The following OGDH variants were observed in gnomAD, a reference collection of about 807,000 sequenced individuals.
OGDH encodes the protein oxoglutarate dehydrogenase, also known as 2-oxoglutarate dehydrogenase complex component E1.
A neutral mutation model predicts 116.6 loss-of-function variants in OGDH; 38 were observed. That is an observed-to-expected ratio of 0.33 (90% CI 0.25 to 0.43). The LOEUF (loss-of-function observed/expected upper bound fraction) is 0.43. Among genes scored for constraint, OGDH ranks in the 20% least tolerant of loss-of-function variants. The pLI is 1.00. For missense variants in OGDH, 825 were observed against 1,357.2 expected (o/e 0.61, Z 6.16); for synonymous variants, 488 against 533.3 (o/e 0.92, Z 1.17).
At position 44,707,556 on chromosome 7, in the gene OGDH, T is replaced by C. The variant is rs751978141; in HGVS notation, c.2797-26T>C. The C allele has an allele frequency of 7.4e-6, 12 of 1,612,056 alleles. No homozygotes were observed. In the Admixed American group the frequency reaches 1.7e-4, roughly 22 times the overall value. ...TGCCTGCCCTCTGAGTTTCCTCTTT[T>C]TGATCTGACCCCTGCTGTCTCCTAG... On this transcript the variant is annotated intron_variant, in intron 21 of 22. Coordinates refer to ENST00000222673, the MANE Select transcript of OGDH (RefSeq NM_002541.4). The surrounding 1 kb of genome is among the most constrained non-coding windows in gnomAD (Gnocchi z 5.2).
chr7:44,684,149 G>A (rs1404053176), intron 10 of OGDH, among the ~76,000 whole-genome samples: 1 of 152,172 alleles, frequency 6.6e-6, no homozygotes, highest in Non-Finnish European at 1.5e-5. Context: ...AGTGTCTGAA[G>A]GAGTGGACAA....
chr7:44,658,434 G>A (rs571607255), intron 4 of OGDH, among the ~76,000 whole-genome samples: 1 of 147,380 alleles, frequency 6.8e-6, no homozygotes, highest in Non-Finnish European at 1.5e-5. Context: ...CTGAGATCCC[G>A]ATGAACTCAT....
At chr7:44,628,738 C>G (rs1162112638) in intron 2 of OGDH, among the ~76,000 whole-genome samples, 1 of 152,068 alleles carries the variant, frequency 6.6e-6, no homozygotes, top group Admixed American at 6.5e-5. Context: ...ATGTGAGCCA[C>G]CACACCCAGC....
Position 44,629,575 on chromosome 7 carries a change from CT to C in OGDH, c.222+5014del, listed in dbSNP as rs1037295168. The stretch of plus-strand genomic sequence containing the variant: ...TTTCTTTTCTTTCCTTTTTCTTTTT[CT>C]TTTCTTTTTTTTTTTTTTTTTTGAG... On this transcript the variant is annotated intron_variant, in intron 2 of 22. Coordinates refer to ENST00000222673, the MANE Select transcript of OGDH (RefSeq NM_002541.4). 4.5e-5 allele frequency among the ~76,000 whole-genome samples: 6 copies of C among 134,428 alleles called. No individual in the cohort carries two copies. In the South Asian group the frequency reaches 9.6e-4, roughly 21 times the overall value. The allele number at this position is 134,428 out of a possible 152,430, so 88.2% of individuals were successfully genotyped here. A position where few individuals can be genotyped will look rare whatever the true frequency, so the allele number is the denominator to read the frequency against.
chr7:44,675,931 T>G, intron 8 of OGDH, 39 bp from the exon 9 acceptor site: 3 of 1,600,920 alleles, frequency 1.9e-6, no homozygotes, highest in Non-Finnish European at 2.6e-6. Flanking sequence ...ACTGAGCATC[T>G]CCTTGGCCAG....
intron 9 of OGDH, among the ~76,000 whole-genome samples, chr7:44,680,713 A>G (rs913765362): frequency 6.6e-6 from 1 of 152,184 alleles, no homozygotes; most frequent in Non-Finnish European, 1.5e-5. Flanking sequence ...CTACTGGAGG[A>G]AGCTGGCTTC....
intron 4 of OGDH, among the ~76,000 whole-genome samples, chr7:44,649,067 T>C (rs1786319298): frequency 6.6e-6 from 1 of 151,850 alleles, no homozygotes; most frequent in Non-Finnish European, 1.5e-5. Context: ...CCCCAGAGAC[T>C]TCTAGACCTG....
chr7:44,621,991 G>A (rs1785028408), intron 1 of OGDH, among the ~76,000 whole-genome samples: 1 of 152,162 alleles, frequency 6.6e-6, no homozygotes, highest in Non-Finnish European at 1.5e-5. Context: ...CATGTGGAAG[G>A]GGCCACTTTG....
chr7:44,656,473 C>T (rs1382356283), intron 4 of OGDH: 8 of 951,896 alleles, frequency 8.4e-6, no homozygotes, highest in South Asian at 4.4e-5. Flanking sequence ...ACTTCTGTCA[C>T]GTGTTTTTAA....
intron 4 of OGDH, among the ~76,000 whole-genome samples, chr7:44,660,625 G>A (rs1032354997): frequency 3.3e-5 from 5 of 152,144 alleles, no homozygotes; most frequent in African/African-American, 1.2e-4. Flanking sequence ...GTTGGGTGGA[G>A]TATTCTCTAA....
rs569908569 is a variant in OGDH, at chr7:44,632,009, A to T, written c.222+7444A>T. 7.9e-5 allele frequency among the ~76,000 whole-genome samples: 12 copies of T among 152,336 alleles called. 1 individual carries two copies. The South Asian group carries it at 2.5e-3, about 32-fold the overall frequency. On this transcript the variant is annotated intron_variant, in intron 2 of 22. Transcript: ENST00000222673. ...GGTCACTCAGCAGGATGATGGATGC[A>T]GGCTTCAGGGCCAGGAGCCAGACGC...
chr7:44,613,068 G>C (rs751689023), intron 1 of OGDH, among the ~76,000 whole-genome samples: 2 of 151,858 alleles, frequency 1.3e-5, no homozygotes, highest in Non-Finnish European at 2.9e-5. Flanking sequence ...AGTAGAGACA[G>C]GGTTTCACCA....
intron 10 of OGDH, among the ~76,000 whole-genome samples, chr7:44,682,770 T>C (rs1466294799): frequency 2.0e-5 from 3 of 152,120 alleles, no homozygotes; most frequent in Middle Eastern, 3.4e-3. Flanking sequence ...GGAGGATCAC[T>C]TGAACCTGGG....
chr7:44,667,415 A>G (rs1787233094), intron 5 of OGDH, among the ~76,000 whole-genome samples: 1 of 152,242 alleles, frequency 6.6e-6, no homozygotes, highest in East Asian at 1.9e-4. Flanking sequence ...CCTGAGGGAC[A>G]GGCCTCAAGT....
chr7:44,664,681 T>C (rs1009385655), intron 4 of OGDH, among the ~76,000 whole-genome samples: 1 of 152,202 alleles, frequency 6.6e-6, no homozygotes, highest in South Asian at 2.1e-4. Flanking sequence ...AGTTGTCTTA[T>C]GATTGTTTTG....
chr7:44,681,743 G>T lies in OGDH; in HGVS notation c.1230G>T (p.Gly410=), dbSNP rs1455638763. 5 of 1,614,018 alleles carry T rather than the reference G, an allele frequency of 3.1e-6. No individual in the cohort carries two copies. In the African/African-American group the frequency reaches 6.7e-5, roughly 22 times the overall value. Residue 410 remains glycine, a synonymous_variant, in exon 10 of 23, where the codon GGG becomes GGT. Transcript: ENST00000222673. ...GKKVMSILLH[G]DAAFAGQGIV... ...AGGTCATGTCCATCCTGTTGCATGGGGATGCTGCATTTGCTGGCCAGGGCA... is the reference window on the plus strand; with the variant it reads ...AGGTCATGTCCATCCTGTTGCATGGTGATGCTGCATTTGCTGGCCAGGGCA...
intron 1 of OGDH, among the ~76,000 whole-genome samples, chr7:44,610,967 C>A (rs1314548700): frequency 6.6e-6 from 1 of 151,862 alleles, no homozygotes; most frequent in Non-Finnish European, 1.5e-5. Context: ...TTGATGAGGT[C>A]TGGTTTACCA....
intron 3 of OGDH, among the ~76,000 whole-genome samples, 180 bp downstream of exon 3, chr7:44,645,698 G>A (rs1786143362): frequency 6.6e-6 from 1 of 152,148 alleles, no homozygotes; most frequent in Non-Finnish European, 1.5e-5. Flanking sequence ...AAAGAACCAG[G>A]CTAGCCCTAT....
Position 44,707,145 on chromosome 7 carries a change from C to T in OGDH, c.2633-80C>T. 6.7e-7 allele frequency: 1 copy of T among 1,490,582 alleles called. No homozygotes were observed. The allele number at this position is 1,490,582 out of a possible 1,614,324, so 92.3% of individuals were successfully genotyped here. A position where few individuals can be genotyped will look rare whatever the true frequency, so the allele number is the denominator to read the frequency against. On this transcript the variant is annotated intron_variant, in intron 20 of 22. Coordinates refer to ENST00000222673, the MANE Select transcript of OGDH (RefSeq NM_002541.4). This position sits in a 1 kb window ranked among gnomAD's most constrained non-coding sequence, Gnocchi z 5.2. ...AAAGCTGCGTCTCCTGGCAGCAGTC[C>T]CTGGCACAGCCCTGGGCCCAGGAGA...
Sources: allele counts gnomAD v4.1 joint callset (sites outside exome capture counted in the v4.1 genomes callset), GRCh38; gene constraint gnomAD v4.1.1; non-coding constraint Gnocchi (gnomAD v3.1); transcripts MANE v1.5; gene names NCBI Gene and HGNC (gene_info 2026-07-23, HGNC 2026-07-21).